NOD2: variants seen among roughly 807,000 people sequenced by gnomAD.
NOD2 encodes nucleotide-binding oligomerization domain-containing protein 2.
NOD2 carries 86 observed loss-of-function variants against 90.9 expected under a neutral mutation model. The ratio of observed to expected loss-of-function variants is 0.95; its 90% CI spans 0.79 to 1.13. The LOEUF (loss-of-function observed/expected upper bound fraction) is 1.13. NOD2 is among the 50% of genes most tolerant of loss of function. The pLI is 0.00. For synonymous variants in NOD2, 581 were observed against 554.6 expected (o/e 1.05, Z -0.67); for missense variants, 1,238 against 1,283.8 (o/e 0.96, Z 0.55).
Position 50,711,744 on chromosome 16 carries a change from C to T in NOD2, c.1752C>T (p.Ala584=), listed in dbSNP as rs61736932. 0.011 allele frequency: 17,265 copies of T among 1,614,188 alleles called. 112 individuals carry two copies. The highest frequency in any genetic ancestry group is 0.012 in the Non-Finnish European group (13,662 of 1,180,044). Residue 584 remains alanine (A), a synonymous_variant, in exon 4 of 12, where the codon GCC becomes GCT. Transcript: ENST00000647318. ...FLHITFQCFF[A]AFYLALSADV... is the part of the protein sequence containing the mutation. ...ACATCACTTTCCAGTGCTTCTTTGCCGCGTTCTACCTGGCACTCAGTGCTG... is the reference window on the plus strand; with the variant it reads ...ACATCACTTTCCAGTGCTTCTTTGCTGCGTTCTACCTGGCACTCAGTGCTG...
intron 1 of NOD2, chr16:50,696,516 A>G (rs1323861728): frequency 6.6e-6 from 1 of 152,440 alleles, no homozygotes; most frequent in Non-Finnish European, 1.5e-5. Flanking sequence ...GTTAAGGACA[A>G]TTTTAGGAAA....
chr16:50,695,382 A>T (rs1414154912), intron 1 of NOD2, among the ~76,000 whole-genome samples: 1 of 152,116 alleles, frequency 6.6e-6, no homozygotes, highest in Admixed American at 6.5e-5. Flanking sequence ...GAGCTTCTGG[A>T]GGTTTGAAGC....
At chr16:50,707,674 G>A (rs944493825) in intron 2 of NOD2, among the ~76,000 whole-genome samples, 181 bp from the exon 3 acceptor site, 5 of 152,158 alleles carry the variant, frequency 3.3e-5, no homozygotes, top group Non-Finnish European at 5.9e-5. Context: ...GGATGCATGC[G>A]TTCAATTCAC....
chr16:50,729,557 A>G (rs1182510359), intron 10 of NOD2, among the ~76,000 whole-genome samples: 1 of 152,258 alleles, frequency 6.6e-6, no homozygotes, highest in Admixed American at 6.5e-5. Context: ...ACTAAAATGC[A>G]GGTACTTAAC....
At position 50,711,856 on chromosome 16, in the gene NOD2, A is replaced by C. The variant is rs1484221771; in HGVS notation, c.1864A>C (p.Ile622Leu). ...GGCCAGGCTCCTGCCCACGATGTGC[A>C]TCCAGGCCTCGGAGGGAAAGGACAG... Reference protein sequence around the residue: ...PMARLLPTMCIQASEGKDSSV... With the variant: ...PMARLLPTMCLQASEGKDSSV... The change falls in exon 4 of 12, where the codon ATC becomes CTC. Residue 622 changes from isoleucine (I) to leucine (L), a missense_variant. By Grantham distance (5) the Ile-to-Leu change is conservative. Transcript: ENST00000647318. 1.9e-6 allele frequency: 3 copies of C among 1,611,958 alleles called. No homozygotes were observed. The highest frequency in any genetic ancestry group is 1.7e-5 in the Admixed American group (1 of 59,980).
intron 3 of NOD2, among the ~76,000 whole-genome samples, chr16:50,708,182 C>T (rs1027478120): frequency 6.6e-6 from 1 of 152,212 alleles, no homozygotes; most frequent in African/African-American, 2.4e-5. Flanking sequence ...TTCATTATCT[C>T]CCACACAGTA....
chr16:50,695,158 TG>T (rs1232483758), intron 1 of NOD2, among the ~76,000 whole-genome samples: 48 of 59,162 alleles, frequency 8.1e-4, no homozygotes, highest in East Asian at 4.1e-3. Flanking sequence ...GAATGGATCA[TG>T]GGGGGGGTGG....
intron 2 of NOD2, among the ~76,000 whole-genome samples, 182 bp from the exon 3 acceptor site, chr16:50,707,673 C>A (rs564015087): frequency 6.6e-6 from 1 of 152,304 alleles, no homozygotes; most frequent in South Asian, 2.1e-4. Flanking sequence ...TGGATGCATG[C>A]GTTCAATTCA....
chr16:50,726,307 A>G (rs573919809), intron 10 of NOD2, among the ~76,000 whole-genome samples: 3 of 151,830 alleles, frequency 2.0e-5, no homozygotes, highest in East Asian at 1.9e-4. Context: ...TTGCTGGAGG[A>G]AAGTGGCATC....
At position 50,698,434 on chromosome 16, in the gene NOD2, C is replaced by T. The variant is rs148906342; in HGVS notation, c.-8-1054C>T. Among the ~76,000 whole-genome samples the T allele has an allele frequency of 2.1e-3, 323 of 152,294 alleles. 5 individuals carry two copies. Among genetic ancestry groups the T allele is most frequent in the East Asian group, 8.9e-3 (46 of 5,182 alleles). On this transcript the variant is annotated intron_variant, in intron 1 of 11. Coordinates refer to ENST00000647318, the MANE Select transcript of NOD2 (RefSeq NM_001370466.1). ...ATGGGGGACAAGGCACCAGAACGCT[C>T]GGAAACAACTTAGTTTGCACCGTAA...
chr16:50,723,987 A>G, intron 9 of NOD2, among the ~76,000 whole-genome samples: 1 of 152,190 alleles, frequency 6.6e-6, no homozygotes, highest in Non-Finnish European at 1.5e-5. Context: ...AGCACTGGGT[A>G]TTCAAGTCTT....
chr16:50,718,423 C>T (rs535504764), intron 6 of NOD2, among the ~76,000 whole-genome samples: 56 of 152,282 alleles, frequency 3.7e-4, no homozygotes, highest in Non-Finnish European at 7.1e-4. Flanking sequence ...CTGGATGGCA[C>T]GTGATCAGAA....
intron 9 of NOD2, among the ~76,000 whole-genome samples, chr16:50,724,885 G>A (rs113372118): frequency 5.9e-5 from 9 of 152,220 alleles, no homozygotes; most frequent in Non-Finnish European, 1.3e-4. Flanking sequence ...AAGAGGCCAG[G>A]AGGGGTCTCA....
rs1217298974 is a variant in NOD2 at position 50,711,916 on chromosome 16, C to T, written c.1924C>T (p.His642Tyr). ...AGCTTTGCTGCAGAAGGCCGAGCCG[C>T]ACAACCTTCAGATCACAGCAGCCTT... Reference protein sequence around the residue: ...VAALLQKAEPHNLQITAAFLA... With the variant: ...VAALLQKAEPYNLQITAAFLA... Residue 642 changes from histidine to tyrosine, a missense_variant, in exon 4 of 12, where the codon CAC becomes TAC. Coordinates refer to ENST00000647318, the MANE Select transcript of NOD2 (RefSeq NM_001370466.1). The T allele has an allele frequency of 1.9e-6, 3 of 1,609,240 alleles. No homozygotes were observed. Among genetic ancestry groups the T allele is most frequent in the East Asian group, 2.2e-5 (1 of 44,774 alleles).
chr16:50,727,816 C>G, intron 10 of NOD2: 1 of 366,150 alleles, frequency 2.7e-6, no homozygotes, highest in Non-Finnish European at 5.4e-6. Flanking sequence ...GAGCATACTT[C>G]TCATATGTAA....
At chr16:50,707,685 C>T (rs775241032) in intron 2 of NOD2, among the ~76,000 whole-genome samples, 170 bp from the exon 3 acceptor site, 8 of 152,182 alleles carry the variant, frequency 5.3e-5, no homozygotes, top group Non-Finnish European at 1.2e-4. Flanking sequence ...TTCAATTCAC[C>T]ATCCAACACT....
chr16:50,722,496 A>ACTCTGGGATTGAGTGGTCCTGCCC, intron 7 of NOD2, 126 bp from the exon 8 acceptor site: 1 of 923,174 alleles, frequency 1.1e-6, no homozygotes, highest in South Asian at 1.3e-5. Context: ...CAGTGAGGCC[A>ACTCTGGGATTGAGTGGTCCTGCCC]CTCTGGGATT....
At chr16:50,721,101 G>A (rs571579381) in intron 7 of NOD2, among the ~76,000 whole-genome samples, 12 of 149,522 alleles carry the variant, frequency 8.0e-5, no homozygotes, top group Non-Finnish European at 1.6e-4. Context: ...CACCGCACCC[G>A]GCCCCCAAGC....
Position 50,711,536 on chromosome 16 carries a change from G to A in NOD2, c.1544G>A (p.Gly515Asp), listed in dbSNP as rs779174604. ...SQGLGPSLLR[G>D]RLPTLLHLGR... Reference sequence around the variant, plus strand: ...GGTCTGGGACCCAGTCTTCTTCGGGGCCGCCTCCCCACCCTCCTGCACCTG... The same window carrying A: ...GGTCTGGGACCCAGTCTTCTTCGGGACCGCCTCCCCACCCTCCTGCACCTG... The change falls in exon 4 of 12, where the codon GGC (glycine) becomes GAC (aspartate). Residue 515 changes from glycine to aspartate, a missense_variant. Transcript: ENST00000647318. The A allele has an allele frequency of 1.2e-6, 2 of 1,612,640 alleles. No homozygotes were observed. Among genetic ancestry groups the A allele is most frequent in the Non-Finnish European group, 1.7e-6 (2 of 1,180,008 alleles).
Sources: gnomAD v4.1 joint callset for allele counts (sites outside exome capture counted in the v4.1 genomes callset) on GRCh38, gnomAD v4.1.1 for gene constraint, MANE v1.5 for transcripts, NCBI Gene and HGNC (gene_info 2026-07-23, HGNC 2026-07-21) for gene names.